The following SPAG16 variants were observed in gnomAD, a reference collection of about 807,000 sequenced individuals.
SPAG16 encodes sperm-associated antigen 16 protein.
SPAG16 carries 86 observed loss-of-function variants against 80.4 expected under a neutral mutation model. That is an observed-to-expected ratio of 1.07 (90% CI 0.90 to 1.28). The LOEUF (loss-of-function observed/expected upper bound fraction) is 1.28, where lower values mean the gene tolerates loss of function less well. SPAG16 is among the 50% of genes most tolerant of loss of function. The pLI, the probability that SPAG16 is intolerant of heterozygous loss-of-function variation, is 0.00. For synonymous variants in SPAG16, 294 were observed against 265.9 expected (o/e 1.11, Z -1.03); for missense variants, 870 against 765.3 (o/e 1.14, Z -1.61).
At chr2:214,217,973 C>G (rs769476058) in intron 15 of SPAG16, among the ~76,000 whole-genome samples, 3 of 152,096 alleles carry the variant, frequency 2.0e-5, no homozygotes, top group African/African-American at 4.8e-5. Context: ...TGGATTATAT[C>G]TTTTGACACT....
chr2:213,833,401 ATG>A (rs1431161946), intron 10 of SPAG16, among the ~76,000 whole-genome samples: 1 of 102,596 alleles, frequency 9.7e-6, no homozygotes, highest in South Asian at 2.9e-4. Flanking sequence ...ATGTGTGTGA[ATG>A]TGTGTGTATG....
chr2:214,070,452 T>C (rs2050735221), intron 13 of SPAG16, among the ~76,000 whole-genome samples: 1 of 152,110 alleles, frequency 6.6e-6, no homozygotes, highest in Non-Finnish European at 1.5e-5. Flanking sequence ...TCATTCTTTC[T>C]CCACTGCTTT....
intron 10 of SPAG16, among the ~76,000 whole-genome samples, chr2:213,777,177 T>C (rs906136423): frequency 6.6e-6 from 1 of 151,104 alleles, no homozygotes; most frequent in Non-Finnish European, 1.5e-5. Context: ...ATTCTGACAA[T>C]ATATTAATAC....
chr2:213,871,867 CACACACACACACAGAG>C (rs2075961454), intron 11 of SPAG16, among the ~76,000 whole-genome samples: 1 of 48,612 alleles, frequency 2.1e-5, no homozygotes, highest in Non-Finnish European at 6.7e-5. Context: ...CACACACACA[CACACACACACACAGAG>C]AGAGAGAGAG....
chr2:213,870,043 C>T (rs1011152759), intron 11 of SPAG16, among the ~76,000 whole-genome samples: 2 of 152,150 alleles, frequency 1.3e-5, no homozygotes, highest in South Asian at 4.1e-4. Context: ...ATGCTGCTTT[C>T]TCTTCCTCAG....
rs187613695 is a variant in SPAG16, at chr2:214,132,024, T to C, written c.1594-17116T>C. ...CAGATATTGCTAGTGTGAGATGCTA[T>C]GCATGTGTAGGGGAGACAGGACATA... On this transcript the variant is annotated intron_variant, in intron 14 of 15. Coordinates refer to ENST00000331683, the MANE Select transcript of SPAG16 (RefSeq NM_024532.5). Among the ~76,000 whole-genome samples, 437 of 152,330 alleles carry C rather than the reference T, an allele frequency of 2.9e-3. 1 individual carries two copies. Among genetic ancestry groups the C allele is most frequent in the African/African-American group, 1.0e-2 (414 of 41,580 alleles).
intron 10 of SPAG16, among the ~76,000 whole-genome samples, chr2:213,764,072 A>G (rs1388960720): frequency 6.6e-6 from 1 of 152,220 alleles, no homozygotes; most frequent in Non-Finnish European, 1.5e-5. Context: ...ACTCAGGACT[A>G]TTGCTCCTAA....
At chr2:213,670,168 T>A (rs1013994294) in intron 10 of SPAG16, among the ~76,000 whole-genome samples, 4 of 152,004 alleles carry the variant, frequency 2.6e-5, no homozygotes, top group African/African-American at 7.3e-5. Flanking sequence ...CTAATTTTTT[T>A]TGTATTTTTA....
At chr2:214,297,037 T>C (rs911652966) in intron 15 of SPAG16, among the ~76,000 whole-genome samples, 2 of 152,174 alleles carry the variant, frequency 1.3e-5, no homozygotes, top group African/African-American at 4.8e-5. Context: ...AGCACTATGG[T>C]TCATGTATAC....
At chr2:214,354,066 C>A (rs1170923827) in intron 15 of SPAG16, among the ~76,000 whole-genome samples, 1 of 151,924 alleles carries the variant, frequency 6.6e-6, no homozygotes, top group Admixed American at 6.6e-5. Flanking sequence ...ATGCCTGTAT[C>A]AAAACATGTA....
intron 15 of SPAG16, among the ~76,000 whole-genome samples, chr2:214,174,429 A>G (rs2056997450): frequency 6.6e-6 from 1 of 152,032 alleles, no homozygotes; most frequent in South Asian, 2.1e-4. Flanking sequence ...ATTCTTATAC[A>G]CCAGTAACAG....
chr2:214,206,926 A>T (rs1280240322), intron 15 of SPAG16, among the ~76,000 whole-genome samples: 2 of 152,132 alleles, frequency 1.3e-5, no homozygotes, highest in Non-Finnish European at 2.9e-5. Context: ...TGAGAGATTG[A>T]TGTAAAAAAT....
intron 9 of SPAG16, among the ~76,000 whole-genome samples, chr2:213,393,774 C>T (rs1430943566): frequency 1.3e-5 from 2 of 151,958 alleles, no homozygotes; most frequent in Admixed American, 1.3e-4. Context: ...TCATTATTGC[C>T]AGGGTTTTTT....
rs561131268 is a variant in SPAG16 at position 213,323,853 on chromosome 2, T to C, written c.536+6497T>C. 5.3e-5 allele frequency among the ~76,000 whole-genome samples: 8 copies of C among 152,310 alleles called. No individual in the cohort carries two copies. The South Asian group carries it at 1.7e-3, about 32-fold the overall frequency. ...ACATGCATGAACCTTGAGGACACTA[T>C]GGTAAGTGAAATAAGACAGTCACAG... On this transcript the variant is annotated intron_variant, in intron 5 of 15. Coordinates refer to ENST00000331683, the MANE Select transcript of SPAG16 (RefSeq NM_024532.5).
intron 11 of SPAG16, among the ~76,000 whole-genome samples, chr2:213,888,518 A>C (rs2076657018): frequency 6.6e-6 from 1 of 151,594 alleles, no homozygotes; most frequent in Non-Finnish European, 1.5e-5. Flanking sequence ...TAGACAAATA[A>C]ATATTTAATA....
intron 10 of SPAG16, among the ~76,000 whole-genome samples, chr2:213,515,749 T>A (rs2075396790): frequency 6.6e-6 from 1 of 152,080 alleles, no homozygotes; most frequent in Admixed American, 6.6e-5. Flanking sequence ...ATATAATGAG[T>A]TAAGACTCAT....
intron 11 of SPAG16, among the ~76,000 whole-genome samples, chr2:213,870,369 G>T (rs2075900289): frequency 1.3e-5 from 2 of 152,034 alleles, no homozygotes; most frequent in African/African-American, 4.8e-5. Flanking sequence ...GCTTGCTAGT[G>T]TTAACTATCC....
At chr2:213,355,163 C>G (rs865927489) in intron 7 of SPAG16, among the ~76,000 whole-genome samples, 2 of 152,042 alleles carry the variant, frequency 1.3e-5, no homozygotes, top group African/African-American at 4.8e-5. Context: ...TGTCAAAGAT[C>G]AGATGGTTGT....
chr2:213,463,862 C>A (rs576759272), intron 9 of SPAG16, among the ~76,000 whole-genome samples: 50 of 152,314 alleles, frequency 3.3e-4, no homozygotes, highest in African/African-American at 1.2e-3. Context: ...TGGCTCCCAG[C>A]AGCTTCTTCA....
Sources: allele counts gnomAD v4.1 joint callset (sites outside exome capture counted in the v4.1 genomes callset), GRCh38; gene constraint gnomAD v4.1.1; transcripts MANE v1.5; gene names NCBI Gene and HGNC (gene_info 2026-07-23, HGNC 2026-07-21).